The following SLC22A9 variants were observed in gnomAD, a reference collection of about 807,000 sequenced individuals.
SLC22A9 encodes the protein organic anion transporter 7.
SLC22A9 carries 64 observed loss-of-function variants against 50.1 expected under a neutral mutation model. The observed-to-expected ratio is 1.28, with a 90% CI of 1.04 to 1.57. The LOEUF is 1.57. Ranked by LOEUF, SLC22A9 falls within the 40% of genes most tolerant of loss-of-function variation. The probability of loss-of-function intolerance (pLI) is 0.00; values close to 1 mark genes in which losing one functional copy is unlikely to be tolerated. For missense variants in SLC22A9, 757 were observed against 676.1 expected (o/e 1.12, Z -1.33); for synonymous variants, 261 against 242.5 (o/e 1.08, Z -0.71).
At chr11:63,393,337 T>C (rs2014797065) in intron 6 of SLC22A9, among the ~76,000 whole-genome samples, 1 of 152,210 alleles carries the variant, frequency 6.6e-6, no homozygotes, top group Non-Finnish European at 1.5e-5. Flanking sequence ...ACATTAATTT[T>C]GTATCTGGAA....
chr11:63,406,649 G>A lies in SLC22A9; in HGVS notation c.1226G>A (p.Ser409Asn), dbSNP rs754930368. ...CTGAAATACATGAACCGTCGAGCAAGCCAGATGCTTCTCATGTTCCTACTG... is the reference window on the plus strand; with the variant it reads ...CTGAAATACATGAACCGTCGAGCAAACCAGATGCTTCTCATGTTCCTACTG... ...WALKYMNRRA[S>N]QMLLMFLLAI... Residue 409 changes from serine (S) to asparagine (N), a missense_variant, in exon 7 of 10, where the codon AGC (serine) becomes AAC (asparagine). By Grantham distance (46) the Ser-to-Asn change is conservative (BLOSUM62 1). Transcript: ENST00000279178. 6.2e-7 allele frequency: 1 copy of A among 1,613,780 alleles called. No homozygotes were observed. Among genetic ancestry groups the A allele is most frequent in the Admixed American group, 1.7e-5 (1 of 59,910 alleles).
intron 7 of SLC22A9, 84 bp downstream of exon 7, chr11:63,406,795 A>G: frequency 7.1e-7 from 1 of 1,417,622 alleles, no homozygotes; most frequent in Non-Finnish European, 9.5e-7. Flanking sequence ...TCTGAAGCCA[A>G]GAAGGAAAGG....
chr11:63,387,204 G>T (rs2014684975), intron 6 of SLC22A9, among the ~76,000 whole-genome samples: 1 of 151,948 alleles, frequency 6.6e-6, no homozygotes, highest in Non-Finnish European at 1.5e-5. Context: ...TATTACTAAA[G>T]AAATCCTTGC....
intron 6 of SLC22A9, among the ~76,000 whole-genome samples, chr11:63,400,097 A>G (rs2014927494): frequency 6.6e-6 from 1 of 152,116 alleles, no homozygotes; most frequent in African/African-American, 2.4e-5. Context: ...GACTTCAAAT[A>G]GCCTAGGATG....
chr11:63,370,967 T>G (rs907380990), intron 1 of SLC22A9, among the ~76,000 whole-genome samples, 168 bp from the exon 2 acceptor site: 4 of 152,190 alleles, frequency 2.6e-5, no homozygotes, highest in African/African-American at 9.7e-5. Flanking sequence ...GAGAAAGTTA[T>G]GTTTAAGTTG....
At chr11:63,397,547 T>C (rs923768414) in intron 6 of SLC22A9, among the ~76,000 whole-genome samples, 2 of 152,154 alleles carry the variant, frequency 1.3e-5, no homozygotes, top group Admixed American at 1.3e-4. Flanking sequence ...CTTTGAAATC[T>C]ATCTGGTGTT....
At chr11:63,385,793 CT>C (rs2014654250) in intron 6 of SLC22A9, among the ~76,000 whole-genome samples, 1 of 151,882 alleles carries the variant, frequency 6.6e-6, no homozygotes, top group African/African-American at 2.4e-5. Context: ...ATTTCTTTCT[CT>C]TTCCTGATCG....
Position 63,408,778 on chromosome 11 carries a change from C to T in SLC22A9, c.1500C>T (p.Ile500=). 6.2e-7 allele frequency: 1 copy of T among 1,613,996 alleles called. No individual in the cohort carries two copies. Among genetic ancestry groups the T allele is most frequent in the Non-Finnish European group, 8.5e-7 (1 of 1,179,928 alleles). ...LSVYSPPLPW[I]IYGVFPFISG... is the part of the protein sequence containing the mutation. ...TGTATTCTCCACCCCTGCCCTGGATCATCTATGGAGTCTTCCCCTTCATCT... is the reference window on the plus strand; with the variant it reads ...TGTATTCTCCACCCCTGCCCTGGATTATCTATGGAGTCTTCCCCTTCATCT... Residue 500 remains isoleucine, a synonymous_variant, in exon 9 of 10, where the codon ATC becomes ATT. Coordinates refer to ENST00000279178, the MANE Select transcript of SLC22A9 (RefSeq NM_080866.3).
intron 6 of SLC22A9, among the ~76,000 whole-genome samples, chr11:63,398,748 A>T (rs142766681): frequency 6.6e-6 from 1 of 152,168 alleles, no homozygotes; most frequent in Non-Finnish European, 1.5e-5. Flanking sequence ...TACCCTCTTC[A>T]GTGTCTCTTT....
chr11:63,389,668 A>G (rs1356817365), intron 6 of SLC22A9, among the ~76,000 whole-genome samples: 1 of 152,216 alleles, frequency 6.6e-6, no homozygotes, highest in African/African-American at 2.4e-5. Context: ...TTATAGTAGA[A>G]TGATTTATAA....
chr11:63,395,406 A>G (rs1213874307), intron 6 of SLC22A9, among the ~76,000 whole-genome samples: 2 of 152,084 alleles, frequency 1.3e-5, no homozygotes, highest in Non-Finnish European at 2.9e-5. Context: ...ATTTTGTCCC[A>G]TGGTGTTCCC....
At position 63,403,817 on chromosome 11, in the gene SLC22A9, A is replaced by AAAT. The variant is rs1555016426; in HGVS notation, c.1074-2677_1074-2675dup. Among the ~76,000 whole-genome samples, 10 of 151,976 alleles carry AAAT rather than the reference A, an allele frequency of 6.6e-5. No homozygotes were observed. In the East Asian group the frequency reaches 7.7e-4, roughly 12 times the overall value. ...AGGATTATCATTATCAAAAATAAAT[A>AAAT]AATAAATCAATCAATCAATCAATAA... On this transcript the variant is annotated intron_variant, in intron 6 of 9. Coordinates refer to ENST00000279178, the MANE Select transcript of SLC22A9 (RefSeq NM_080866.3).
chr11:63,397,055 G>T (rs866014035), intron 6 of SLC22A9, among the ~76,000 whole-genome samples: 2 of 152,168 alleles, frequency 1.3e-5, no homozygotes, highest in Non-Finnish European at 2.9e-5. Flanking sequence ...GATTTGATCT[G>T]TTTTTCATCA....
At chr11:63,394,760 CGTGTCTAGTTCTCTAGCAAGGCTGG>C (rs1373902124) in intron 6 of SLC22A9, among the ~76,000 whole-genome samples, 1 of 152,070 alleles carries the variant, frequency 6.6e-6, no homozygotes, top group African/African-American at 2.4e-5. Context: ...CTTATATTCG[CGTGTCTAGTTCTCTAGCAAGGCTGG>C]GGAAGTTTTC....
intron 6 of SLC22A9, among the ~76,000 whole-genome samples, chr11:63,387,304 G>T (rs1336699550): frequency 1.3e-5 from 2 of 151,834 alleles, no homozygotes; most frequent in Non-Finnish European, 2.9e-5. Flanking sequence ...AATCCATTTT[G>T]ATTTTATTTT....
intron 6 of SLC22A9, among the ~76,000 whole-genome samples, chr11:63,386,493 C>G (rs2014671613): frequency 9.4e-6 from 1 of 106,146 alleles, no homozygotes; most frequent in Non-Finnish European, 1.7e-5. Flanking sequence ...TAATTACTGC[C>G]TCAGTTTAGA....
chr11:63,394,895 G>A (rs891588623), intron 6 of SLC22A9, among the ~76,000 whole-genome samples: 1 of 151,928 alleles, frequency 6.6e-6, no homozygotes, highest in African/African-American at 2.4e-5. Context: ...CATAATCCCA[G>A]ACTTTTTGGA....
At chr11:63,406,148 T>C (rs1032885726) in intron 6 of SLC22A9, among the ~76,000 whole-genome samples, 1 of 152,184 alleles carries the variant, frequency 6.6e-6, no homozygotes, top group African/African-American at 2.4e-5. Context: ...GGTAGTATTA[T>C]ACTTTTGTCT....
At position 63,382,141 on chromosome 11, in the gene SLC22A9, T is replaced by C. The variant is rs1194192639; in HGVS notation, c.955-18T>C. 9 of 1,589,144 alleles carry C rather than the reference T, an allele frequency of 5.7e-6. No homozygotes were observed. The highest frequency in any genetic ancestry group is 1.4e-5 in the African/African-American group (1 of 73,510). On this transcript the variant is annotated intron_variant, in intron 5 of 9. Coordinates refer to ENST00000279178, the MANE Select transcript of SLC22A9 (RefSeq NM_080866.3). ...TTTCTGACAACTGTACAGTTTATTG[T>C]TTCTGCTATTGTTGAAGATTTTGAA...
Sources: gnomAD v4.1 joint callset for allele counts (sites outside exome capture counted in the v4.1 genomes callset) on GRCh38, gnomAD v4.1.1 for gene constraint, MANE v1.5 for transcripts, NCBI Gene and HGNC (gene_info 2026-07-23, HGNC 2026-07-21) for gene names.